The following SLC22A15 variants were observed in gnomAD, a reference collection of about 807,000 sequenced individuals.
SLC22A15 encodes the protein solute carrier family 22 member 15.
In SLC22A15, 45 loss-of-function variants were observed where a neutral mutation model predicts 62.7. That is an observed-to-expected ratio of 0.72 (90% CI 0.56 to 0.92). The LOEUF is 0.92. SLC22A15 is among the 40% of genes least tolerant of loss of function. SLC22A15 has a pLI of 0.00. For missense variants in SLC22A15, 622 were observed against 665.6 expected (o/e 0.93, Z 0.72); for synonymous variants, 264 against 267.0 (o/e 0.99, Z 0.11).
intron 1 of SLC22A15, among the ~76,000 whole-genome samples, chr1:115,979,040 G>A (rs963394018): frequency 3.3e-5 from 5 of 152,202 alleles, no homozygotes; most frequent in Non-Finnish European, 5.9e-5. Flanking sequence ...CCCCAGCTGA[G>A]AGGCACAAAA....
intron 8 of SLC22A15, among the ~76,000 whole-genome samples, chr1:116,058,456 C>CA (rs1370659331): frequency 6.6e-6 from 1 of 152,164 alleles, no homozygotes; most frequent in South Asian, 2.1e-4. Context: ...ATCAAAAAAT[C>CA]AAAAAACAGT....
At chr1:116,055,055 A>G (rs1570771572) in intron 8 of SLC22A15, among the ~76,000 whole-genome samples, 1 of 151,618 alleles carries the variant, frequency 6.6e-6, no homozygotes, top group African/African-American at 2.4e-5. Context: ...AACTAAAATC[A>G]GAGCAGAACT....
At chr1:116,014,724 ATAAAT>A (rs1382712966) in intron 2 of SLC22A15, among the ~76,000 whole-genome samples, 1 of 152,232 alleles carries the variant, frequency 6.6e-6, no homozygotes, top group Admixed American at 6.5e-5. Context: ...TGAATGACTT[ATAAAT>A]TAGTGATTTT....
intron 1 of SLC22A15, among the ~76,000 whole-genome samples, chr1:115,980,512 A>G (rs555593155): frequency 1.3e-5 from 2 of 152,364 alleles, no homozygotes; most frequent in South Asian, 4.1e-4. Flanking sequence ...CTAGATCTAT[A>G]TATGACTATA....
intron 1 of SLC22A15, among the ~76,000 whole-genome samples, chr1:115,985,945 C>CA (rs35381675): frequency 0.48 from 54,635 of 114,196 alleles, 14,181 homozygotes; most frequent in Non-Finnish European, 0.6. Context: ...GACTCCATCT[C>CA]AAAAAAAAAA....
At chr1:116,012,827 A>G (rs1164692400) in intron 2 of SLC22A15, among the ~76,000 whole-genome samples, 1 of 152,162 alleles carries the variant, frequency 6.6e-6, no homozygotes, top group East Asian at 1.9e-4. Context: ...TCCAATTTTG[A>G]ATTTTGATCA....
At chr1:116,022,720 G>A (rs1467656790) in intron 4 of SLC22A15, among the ~76,000 whole-genome samples, 1 of 152,126 alleles carries the variant, frequency 6.6e-6, no homozygotes, top group Non-Finnish European at 1.5e-5. Context: ...CCTTGATGCT[G>A]GGTTAAGATG....
intron 8 of SLC22A15, among the ~76,000 whole-genome samples, chr1:116,060,850 GT>G (rs1398018435): frequency 6.6e-6 from 1 of 152,160 alleles, no homozygotes; most frequent in Non-Finnish European, 1.5e-5. Context: ...AGCTAACATC[GT>G]CTTCCAAATA....
chr1:116,032,319 G>T, intron 6 of SLC22A15: 1 of 985,364 alleles, frequency 1.0e-6, no homozygotes, highest in Non-Finnish European at 1.2e-6. Context: ...TTTGTGGATT[G>T]CACATGTGTT....
rs199919403 is a variant in SLC22A15, at chr1:116,066,636, C to T, written c.1482C>T (p.Ser494=). The change falls in exon 11 of 12, where the codon TCC becomes TCT. Residue 494 remains serine (S), a synonymous_variant. Transcript: ENST00000369503. ...TLNSPLLETF[S]DLQVYSYRRL... is the part of the protein sequence containing the mutation. Reference sequence around the variant, plus strand: ...ACAGTCCGCTGCTAGAAACATTCTCCGACCTTCAGGTGTATTCGTATCGCA... The same window carrying T: ...ACAGTCCGCTGCTAGAAACATTCTCTGACCTTCAGGTGTATTCGTATCGCA... 52 of 1,612,252 alleles carry T rather than the reference C, an allele frequency of 3.2e-5. No individual in the cohort carries two copies. In the East Asian group the frequency reaches 7.4e-4, roughly 23 times the overall value.
At chr1:116,058,815 T>C (rs1775697) in intron 8 of SLC22A15, among the ~76,000 whole-genome samples, 146,758 of 152,260 alleles carry the variant, frequency 0.96, 70,931 homozygotes, top group East Asian at 1. Flanking sequence ...GCATTTGCAG[T>C]GACCTGGATG....
chr1:115,983,910 C>T (rs1025041764), intron 1 of SLC22A15, among the ~76,000 whole-genome samples: 1 of 152,160 alleles, frequency 6.6e-6, no homozygotes, highest in Non-Finnish European at 1.5e-5. Flanking sequence ...ACTTTCACCC[C>T]TCTCCCAAAT....
rs1658524185 is a variant in SLC22A15, at chr1:116,067,354, A to G, written c.*246A>G. The G allele has an allele frequency of 9.0e-6, 4 of 443,664 alleles. No individual in the cohort carries two copies. Among genetic ancestry groups the G allele is most frequent in the African/African-American group, 2.0e-5 (1 of 50,636 alleles). The allele number at this position is 443,664 out of a possible 1,614,324, so 27.5% of individuals were successfully genotyped here. ...TAGAATTTAAGTTCTACTCAGAATC[A>G]TAACATCTGGCAGAACAGCCCAAAC... On this transcript the variant is annotated 3_prime_UTR_variant, in exon 12 of 12. Transcript: ENST00000369503.
At chr1:116,053,496 G>C (rs953887373) in intron 8 of SLC22A15, among the ~76,000 whole-genome samples, 5 of 152,202 alleles carry the variant, frequency 3.3e-5, no homozygotes, top group African/African-American at 1.2e-4. Context: ...TATTATCCAG[G>C]AGAACTTCCC....
intron 1 of SLC22A15, among the ~76,000 whole-genome samples, chr1:115,987,735 T>C (rs963043569): frequency 6.6e-6 from 1 of 152,194 alleles, no homozygotes; most frequent in African/African-American, 2.4e-5. Flanking sequence ...TAAAATAATC[T>C]TTGATTCCTC....
chr1:116,001,688 A>C (rs1655738530), intron 2 of SLC22A15, among the ~76,000 whole-genome samples: 1 of 151,804 alleles, frequency 6.6e-6, no homozygotes, highest in African/African-American at 2.4e-5. Flanking sequence ...GATTCCTTTT[A>C]TTTCAATCTC....
chr1:116,057,352 A>G (rs1432644799), intron 8 of SLC22A15, among the ~76,000 whole-genome samples: 5 of 151,812 alleles, frequency 3.3e-5, no homozygotes, highest in East Asian at 1.9e-4. Flanking sequence ...CAAAACCACA[A>G]TGAGATACCA....
intron 8 of SLC22A15, among the ~76,000 whole-genome samples, chr1:116,058,484 C>G (rs370169788): frequency 6.6e-6 from 1 of 152,068 alleles, no homozygotes; most frequent in African/African-American, 2.4e-5. Context: ...GGCATGGATG[C>G]GGGTGATCAG....
At chr1:116,033,363 T>C (rs1250488529) in intron 6 of SLC22A15, among the ~76,000 whole-genome samples, 1 of 152,206 alleles carries the variant, frequency 6.6e-6, no homozygotes, top group Non-Finnish European at 1.5e-5. Flanking sequence ...TGGATCCCAA[T>C]GACCAACTCT....
Sources: gnomAD v4.1 joint callset for allele counts (sites outside exome capture counted in the v4.1 genomes callset) on GRCh38, gnomAD v4.1.1 for gene constraint, MANE v1.5 for transcripts, NCBI Gene and HGNC (gene_info 2026-07-23, HGNC 2026-07-21) for gene names.